The following NATD1 variants were observed in gnomAD, a reference collection of about 807,000 sequenced individuals.
The protein encoded by NATD1 is N-acetyltransferase domain containing 1.
NATD1 carries 9 observed loss-of-function variants against 12.0 expected under a neutral mutation model. That is an observed-to-expected ratio of 0.75 (90% confidence interval 0.45 to 1.30). The LOEUF is 1.30. Ranked by LOEUF, NATD1 falls within the 50% of genes most tolerant of loss-of-function variation. The pLI is 0.00. For synonymous variants in NATD1, 71 were observed against 65.9 expected, an observed-to-expected ratio of 1.08 and a Z score of -0.37; for missense variants, 148 against 148.5, an observed-to-expected ratio of 1.00 and a Z score of 0.02.
At position 21,243,440 on chromosome 17, in the gene NATD1, G is replaced by C; in HGVS notation, c.226-11C>G. On this transcript the variant is annotated splice_polypyrimidine_tract_variant and intron_variant, in intron 2 of 2. Coordinates refer to ENST00000611551, the MANE Select transcript of NATD1 (RefSeq NM_152914.3). ...GAAGTCCAGGGCGGCCTGGGAGCCGGGCAGAGAGGAGAGTGGTCAGGGCCT... is the reference window on the plus strand; with the variant it reads ...GAAGTCCAGGGCGGCCTGGGAGCCGCGCAGAGAGGAGAGTGGTCAGGGCCT... 2 of 1,607,820 alleles carry C rather than the reference G, an allele frequency of 1.2e-6. No homozygotes were observed. Among genetic ancestry groups the C allele is most frequent in the Non-Finnish European group, 1.7e-6 (2 of 1,177,018 alleles).
chr17:21,253,365 T>TA lies in NATD1; in HGVS notation c.-102_-101insT. 1 of 331,688 alleles carries TA rather than the reference T, an allele frequency of 3.0e-6. No individual in the cohort carries two copies. Among genetic ancestry groups the TA allele is most frequent in the African/African-American group, 2.6e-5 (1 of 38,018 alleles). The allele number at this position is 331,688 out of a possible 1,614,324, so 20.5% of individuals were successfully genotyped here. On this transcript the variant is annotated 5_prime_UTR_variant, in exon 1 of 3. Transcript: ENST00000611551. Reference sequence around the variant, plus strand: ...GAGCGCGGGCGCAGGCGGCAGGCGGTGGGGTAGTTACGGCCTGGGAGACCG... The same window carrying TA: ...GAGCGCGGGCGCAGGCGGCAGGCGGTAGGGGTAGTTACGGCCTGGGAGACCG...
rs895929256 is a variant in NATD1, at chr17:21,242,901, C to T, written c.*412G>A. The T allele has an allele frequency of 6.2e-6, 1 of 160,220 alleles. No homozygotes were observed. The highest frequency in any genetic ancestry group is 2.4e-5 in the African/African-American group (1 of 41,744). The allele number at this position is 160,220 out of a possible 1,614,324, so 9.9% of individuals were successfully genotyped here. ...GCACACGAGGTTTCTTATTGCTCCT[C>T]TTGGCTCTGGAGCACACCTTCTTAA... On this transcript the variant is annotated 3_prime_UTR_variant, in exon 3 of 3. Coordinates refer to ENST00000611551, the MANE Select transcript of NATD1 (RefSeq NM_152914.3).
At position 21,243,231 on chromosome 17, in the gene NATD1, C is replaced by G. The variant is rs887063885; in HGVS notation, c.*82G>C. 5 of 1,076,246 alleles carry G rather than the reference C, an allele frequency of 4.6e-6. No homozygotes were observed. The Admixed American group carries it at 1.0e-4, about 22-fold the overall frequency. 66.7% of individuals were successfully genotyped at this position (1,076,246 alleles called of 1,614,324 possible). A position where few individuals can be genotyped will look rare whatever the true frequency, so the allele number is the denominator to read the frequency against. ...AACTCTGAGTCTGTTCCCAGTGGGA[C>G]CAGGTTCCTGAGAGCACGTGGGGCC... On this transcript the variant is annotated 3_prime_UTR_variant, in exon 3 of 3. Transcript: ENST00000611551.
At chr17:21,243,721 A>G (rs902458385) in intron 2 of NATD1, among the ~76,000 whole-genome samples, 2 of 152,130 alleles carry the variant, frequency 1.3e-5, no homozygotes, top group Non-Finnish European at 2.9e-5. Flanking sequence ...GGAAGCCGGC[A>G]GACGGCCCAG....
At chr17:21,253,086 C>CA (rs1975393914) in intron 1 of NATD1, 73 bp downstream of exon 1, 1 of 794,182 alleles carries the variant, frequency 1.3e-6, no homozygotes, top group African/African-American at 1.9e-5. Context: ...GACAGGCACC[C>CA]AGCAAGGGGG....
chr17:21,246,879 G>T (rs1157201393), intron 1 of NATD1, among the ~76,000 whole-genome samples: 1 of 152,204 alleles, frequency 6.6e-6, no homozygotes, highest in East Asian at 1.9e-4. Flanking sequence ...CCTGGGGTAG[G>T]AGGTTGAAGG....
intron 1 of NATD1, among the ~76,000 whole-genome samples, chr17:21,246,178 T>C (rs1242787083): frequency 6.6e-6 from 1 of 152,094 alleles, no homozygotes; most frequent in Non-Finnish European, 1.5e-5. Flanking sequence ...CTCATGGAGA[T>C]CTTACGTACT....
Position 21,243,388 on chromosome 17 carries a change from A to G in NATD1, c.267T>C (p.His89=), listed in dbSNP as rs112481912. 1.2e-6 allele frequency: 2 copies of G among 1,613,352 alleles called. No homozygotes were observed. Among genetic ancestry groups the G allele is most frequent in the African/African-American group, 1.3e-5 (1 of 74,908 alleles). ...DFVVEEDLKA[H]LTCWYIQKYV... Reference sequence around the variant, plus strand: ...ACTTCTGGATGTACCAGCAGGTGAGATGGGCCTTCAGGTCCTCCTCCACCA... The same window carrying G: ...ACTTCTGGATGTACCAGCAGGTGAGGTGGGCCTTCAGGTCCTCCTCCACCA... Residue 89 remains histidine, a synonymous_variant, in exon 3 of 3, where the codon CAT becomes CAC. Coordinates refer to ENST00000611551, the MANE Select transcript of NATD1 (RefSeq NM_152914.3).
chr17:21,246,593 G>A (rs567712100), intron 1 of NATD1, among the ~76,000 whole-genome samples: 41 of 152,110 alleles, frequency 2.7e-4, no homozygotes, highest in African/African-American at 9.6e-4. Flanking sequence ...AGGCTGAGGC[G>A]GGAGAATCAC....
chr17:21,250,627 A>C (rs969329275), intron 1 of NATD1, among the ~76,000 whole-genome samples: 7 of 152,124 alleles, frequency 4.6e-5, no homozygotes, highest in African/African-American at 1.7e-4. Context: ...TCACTTCCCC[A>C]TGCCTCAGTC....
chr17:21,248,946 C>T (rs1010845408), intron 1 of NATD1, among the ~76,000 whole-genome samples: 3 of 152,138 alleles, frequency 2.0e-5, no homozygotes, highest in African/African-American at 7.2e-5. Context: ...ACCAGCATCA[C>T]GTGACTGGTT....
intron 1 of NATD1, among the ~76,000 whole-genome samples, chr17:21,252,595 C>G (rs1975387534): frequency 6.6e-6 from 1 of 152,024 alleles, no homozygotes; most frequent in Admixed American, 6.5e-5. Flanking sequence ...CCCCTCACTC[C>G]CCCCAGGGGA....
intron 1 of NATD1, among the ~76,000 whole-genome samples, chr17:21,245,733 C>A (rs563850630): frequency 2.0e-5 from 3 of 152,322 alleles, no homozygotes; most frequent in Non-Finnish European, 4.4e-5. Flanking sequence ...CCCGCCATCG[C>A]CTAGGCACTT....
chr17:21,250,232 A>G (rs1032690904), intron 1 of NATD1, among the ~76,000 whole-genome samples: 11 of 152,218 alleles, frequency 7.2e-5, no homozygotes, highest in African/African-American at 2.7e-4. Context: ...CACACAAGGC[A>G]TCGCAGGCAC....
intron 1 of NATD1, among the ~76,000 whole-genome samples, chr17:21,247,432 A>G (rs1456974489): frequency 6.6e-6 from 1 of 152,194 alleles, no homozygotes; most frequent in Non-Finnish European, 1.5e-5. Flanking sequence ...GTGCAGCCCC[A>G]GCACAGGGCA....
chr17:21,249,033 C>T (rs1975352482), intron 1 of NATD1, among the ~76,000 whole-genome samples: 1 of 152,234 alleles, frequency 6.6e-6, no homozygotes, highest in Non-Finnish European at 1.5e-5. Context: ...CTCTGCCCCT[C>T]CTGAACCTCG....
At position 21,240,899 on chromosome 17, in the gene NATD1, C is replaced by A. The variant is rs1443463666; in HGVS notation, c.*2414G>T. 6.5e-6 allele frequency: 1 copy of A among 152,810 alleles called. No individual in the cohort carries two copies. Among genetic ancestry groups the A allele is most frequent in the Non-Finnish European group, 1.5e-5 (1 of 68,210 alleles). The allele number at this position is 152,810 out of a possible 1,614,324, so 9.5% of individuals were successfully genotyped here. A position where few individuals can be genotyped will look rare whatever the true frequency, so the allele number is the denominator to read the frequency against. On this transcript the variant is annotated 3_prime_UTR_variant, in exon 3 of 3. Coordinates refer to ENST00000611551, the MANE Select transcript of NATD1 (RefSeq NM_152914.3). ...TTATTGCTCTGCTGGAGACCTTGGG[C>A]CAGGCCCCGCGAAGCCCTGCCTAGC...
At chr17:21,248,426 G>A (rs1431518010) in intron 1 of NATD1, among the ~76,000 whole-genome samples, 1 of 152,106 alleles carries the variant, frequency 6.6e-6, no homozygotes, top group East Asian at 1.9e-4. Flanking sequence ...ACATGCCTGG[G>A]GTCCAGCTGC....
chr17:21,241,296 CAGCTCACTG>C lies in NATD1; in HGVS notation c.*2008_*2016del, dbSNP rs1975269845. The C allele has an allele frequency of 6.6e-6, 1 of 152,346 alleles. No homozygotes were observed. Among genetic ancestry groups the C allele is most frequent in the Non-Finnish European group, 1.5e-5 (1 of 68,160 alleles). The allele number at this position is 152,346 out of a possible 1,614,324, so 9.4% of individuals were successfully genotyped here. On this transcript the variant is annotated 3_prime_UTR_variant, in exon 3 of 3. Transcript: ENST00000611551. ...GCTGGAGGCCACAGGGACATGGCCC[CAGCTCACTG>C]AGCTCCTGAGTGGTCATGATTGACT...
Sources: gnomAD v4.1 joint callset for allele counts (sites outside exome capture counted in the v4.1 genomes callset) on GRCh38, gnomAD v4.1.1 for gene constraint, MANE v1.5 for transcripts, NCBI Gene and HGNC (gene_info 2026-07-23, HGNC 2026-07-21) for gene names.